The following ZRANB3 variants were observed in gnomAD, a reference collection of about 807,000 sequenced individuals.
The protein encoded by ZRANB3 is DNA annealing helicase and endonuclease ZRANB3.
ZRANB3 carries 125 observed loss-of-function variants against 133.8 expected under a neutral mutation model. The ratio of observed to expected loss-of-function variants is 0.93; its 90% CI spans 0.81 to 1.08. The LOEUF is 1.08. ZRANB3 is among the 50% of genes least tolerant of loss of function. The probability of loss-of-function intolerance (pLI) is 0.00; values close to 1 mark genes in which losing one functional copy is unlikely to be tolerated. For synonymous variants in ZRANB3, 387 were observed against 432.7 expected (o/e 0.89, Z 1.31); for missense variants, 1,229 against 1,275.5 (o/e 0.96, Z 0.56).
chr2:135,234,313 A>G (rs1167573424), intron 12 of ZRANB3, among the ~76,000 whole-genome samples: 3 of 152,338 alleles, frequency 2.0e-5, no homozygotes, highest in East Asian at 3.9e-4. Context: ...AGAGACCTAC[A>G]AAGAGACTTA....
intron 6 of ZRANB3, among the ~76,000 whole-genome samples, chr2:135,329,363 G>T (rs1684019768): frequency 6.6e-6 from 1 of 152,074 alleles, no homozygotes; most frequent in Non-Finnish European, 1.5e-5. Flanking sequence ...AAGATCAGAT[G>T]GTTGTAGATG....
At chr2:135,214,092 C>T (rs1319694119) in intron 17 of ZRANB3, among the ~76,000 whole-genome samples, 1 of 152,162 alleles carries the variant, frequency 6.6e-6, no homozygotes, top group Non-Finnish European at 1.5e-5. Flanking sequence ...CAACTAGAGC[C>T]CAGCCAGCCA....
At chr2:135,239,665 C>A (rs186111896) in intron 12 of ZRANB3, among the ~76,000 whole-genome samples, 418 of 152,196 alleles carry the variant, frequency 2.7e-3, no homozygotes, top group Non-Finnish European at 4.5e-3. Flanking sequence ...CCACAAGACA[C>A]GATTTTTAAA....
intron 3 of ZRANB3, among the ~76,000 whole-genome samples, chr2:135,366,519 A>T (rs921847624): frequency 1.1e-4 from 17 of 152,170 alleles, no homozygotes; most frequent in Non-Finnish European, 7.4e-5. Context: ...GAATACTGAG[A>T]TTAGGCTGGG....
rs114496207 is a variant in ZRANB3, at chr2:135,484,388, C to T, written c.161+19941G>A. 2.9e-3 allele frequency among the ~76,000 whole-genome samples: 444 copies of T among 152,214 alleles called. 2 individuals are homozygous for T. The highest frequency in any genetic ancestry group is 0.01 in the African/African-American group (420 of 41,540). ...ATCTCCTGAATGAATAAGTACATGA[C>T]AAATAGCAAATGTTCTTGTTCAACT... On this transcript the variant is annotated intron_variant, in intron 2 of 20. Transcript: ENST00000264159.
At position 135,237,611 on chromosome 2, in the gene ZRANB3, A is replaced by C. The variant is rs542881614; in HGVS notation, c.1540-6684T>G. On this transcript the variant is annotated intron_variant, in intron 12 of 20. Transcript: ENST00000264159. The stretch of plus-strand genomic sequence containing the variant: ...ATACACCATGGAATACTATGCAGCC[A>C]TAAAAAATGATGAGTTCATGTCCTT... Among the ~76,000 whole-genome samples the C allele has an allele frequency of 2.9e-3, 437 of 152,124 alleles. 1 individual carries two copies. Among genetic ancestry groups the C allele is most frequent in the South Asian group, 8.3e-3 (40 of 4,812 alleles).
intron 3 of ZRANB3, among the ~76,000 whole-genome samples, chr2:135,362,111 T>C (rs375068244): frequency 6.7e-6 from 1 of 148,688 alleles, no homozygotes. Flanking sequence ...GGCAGGAGAA[T>C]GGCATGAACC....
At chr2:135,270,587 T>C (rs985848440) in intron 10 of ZRANB3, among the ~76,000 whole-genome samples, 1 of 152,236 alleles carries the variant, frequency 6.6e-6, no homozygotes, top group African/African-American at 2.4e-5. Flanking sequence ...TTTTTGATGA[T>C]ATTCTCTGTG....
chr2:135,241,953 G>A (rs1420341792), intron 12 of ZRANB3, among the ~76,000 whole-genome samples: 1 of 152,136 alleles, frequency 6.6e-6, no homozygotes, highest in Non-Finnish European at 1.5e-5. Context: ...GGTGAGGTGG[G>A]CGAATCACTT....
intron 7 of ZRANB3, among the ~76,000 whole-genome samples, chr2:135,314,906 C>T (rs2104826432): frequency 6.6e-6 from 1 of 152,074 alleles, no homozygotes; most frequent in East Asian, 1.9e-4. Flanking sequence ...CTCGCCACCA[C>T]ACTCAACTAA....
At chr2:135,361,704 T>A (rs1385908898) in intron 3 of ZRANB3, among the ~76,000 whole-genome samples, 1 of 152,162 alleles carries the variant, frequency 6.6e-6, no homozygotes, top group Non-Finnish European at 1.5e-5. Flanking sequence ...CCCTTTTAGG[T>A]ATGCTTTTAA....
chr2:135,318,407 G>A (rs1164252645), intron 6 of ZRANB3, among the ~76,000 whole-genome samples: 1 of 152,032 alleles, frequency 6.6e-6, no homozygotes, highest in Non-Finnish European at 1.5e-5. Context: ...AATAAACTGT[G>A]GGGCATGCCA....
chr2:135,353,428 AAT>A lies in ZRANB3; in HGVS notation c.359+20_359+21del. 1 of 1,520,162 alleles carries A rather than the reference AAT, an allele frequency of 6.6e-7. No individual in the cohort carries two copies. The highest frequency in any genetic ancestry group is 8.8e-7 in the Non-Finnish European group (1 of 1,133,444). The allele number at this position is 1,520,162 out of a possible 1,614,324, so 94.2% of individuals were successfully genotyped here. ...CACACAAGGAAGACTTTTCTCCTTAAATATTAAACAGTTGTTCTTACCTAACA... is the reference window on the plus strand; with the variant it reads ...CACACAAGGAAGACTTTTCTCCTTAAATTAAACAGTTGTTCTTACCTAACA... On this transcript the variant is annotated intron_variant, in intron 4 of 20. Coordinates refer to ENST00000264159, the MANE Select transcript of ZRANB3 (RefSeq NM_032143.4).
At position 135,233,548 on chromosome 2, in the gene ZRANB3, C is replaced by G. The variant is rs138423314; in HGVS notation, c.1540-2621G>C. Among the ~76,000 whole-genome samples the G allele has an allele frequency of 3.0e-3, 459 of 152,258 alleles. 3 individuals carry two copies. The highest frequency in any genetic ancestry group is 0.01 in the African/African-American group (420 of 41,552). ...ATGTTAAGGGCAGCCAGAGAGAAAG[C>G]TCGGGTTACCCACAAAGGGAAGCCC... On this transcript the variant is annotated intron_variant, in intron 12 of 20. Transcript: ENST00000264159.
intron 15 of ZRANB3, among the ~76,000 whole-genome samples, chr2:135,219,649 C>T (rs1694454935): frequency 6.6e-6 from 1 of 152,166 alleles, no homozygotes; most frequent in African/African-American, 2.4e-5. Flanking sequence ...AAGGAATAGT[C>T]TTAATAATCT....
chr2:135,372,462 G>T (rs1686226168), intron 3 of ZRANB3, among the ~76,000 whole-genome samples: 1 of 152,100 alleles, frequency 6.6e-6, no homozygotes, highest in South Asian at 2.1e-4. Context: ...AACTGGAGGT[G>T]GGTGGTAGAA....
chr2:135,273,102 C>G (rs1002926095), intron 9 of ZRANB3, among the ~76,000 whole-genome samples: 1 of 150,472 alleles, frequency 6.6e-6, no homozygotes, highest in Non-Finnish European at 1.5e-5. Flanking sequence ...AGAAGAATGG[C>G]GTGAACCCGG....
intron 3 of ZRANB3, among the ~76,000 whole-genome samples, chr2:135,366,891 G>A (rs2104894039): frequency 6.6e-6 from 1 of 152,044 alleles, no homozygotes; most frequent in Middle Eastern, 3.4e-3. Flanking sequence ...CAAGGTGGCA[G>A]GCGCCTGTAG....
intron 2 of ZRANB3, among the ~76,000 whole-genome samples, chr2:135,425,789 GAAAC>G (rs1689035792): frequency 6.6e-6 from 1 of 151,438 alleles, no homozygotes; most frequent in African/African-American, 2.4e-5. Flanking sequence ...AGGAAATAGA[GAAAC>G]AAGAGCAAAC....
Sources: allele counts gnomAD v4.1 joint callset (sites outside exome capture counted in the v4.1 genomes callset), GRCh38; gene constraint gnomAD v4.1.1; transcripts MANE v1.5; gene names NCBI Gene and HGNC (gene_info 2026-07-23, HGNC 2026-07-21).